Variants in MMP16 observed in about 807,000 individuals in gnomAD.
The protein encoded by MMP16 is matrix metallopeptidase 16.
A neutral mutation model predicts 67.8 loss-of-function variants in MMP16; 12 were observed. That is an observed-to-expected ratio of 0.18 (90% confidence interval 0.11 to 0.29). The LOEUF (loss-of-function observed/expected upper bound fraction) is 0.29, where lower values mean the gene tolerates loss of function less well. MMP16 is among the 10% of genes least tolerant of loss of function. MMP16 has a pLI of 1.00. For missense variants in MMP16, 475 were observed against 765.7 expected, an observed-to-expected ratio of 0.62 and a Z score of 4.48; for synonymous variants, 249 against 255.9, an observed-to-expected ratio of 0.97 and a Z score of 0.26.
intron 5 of MMP16, 70 bp from the exon 6 acceptor site, chr8:88,116,788 G>A: frequency 7.5e-7 from 1 of 1,342,162 alleles, no homozygotes; most frequent in Non-Finnish European, 1.1e-6. Flanking sequence ...ATGCTACAGA[G>A]AACAATCACT....
chr8:88,240,045 C>T (rs1050324520), intron 1 of MMP16, among the ~76,000 whole-genome samples: 2 of 152,188 alleles, frequency 1.3e-5, no homozygotes, highest in African/African-American at 4.8e-5. Flanking sequence ...TGCTGCCTTA[C>T]ATACTCAGGG....
chr8:88,186,452 G>C (rs1809074590), intron 3 of MMP16, 24 bp downstream of exon 3: 1 of 1,611,646 alleles, frequency 6.2e-7, no homozygotes, highest in Non-Finnish European at 8.5e-7. Context: ...GGGAAAAGGG[G>C]AGATTAATCG....
chr8:88,172,150 T>C lies in MMP16; in HGVS notation c.405-4177A>G, dbSNP rs551344912. Among the ~76,000 whole-genome samples the C allele has an allele frequency of 4.5e-4, 69 of 152,298 alleles. 1 individual carries two copies. Among genetic ancestry groups the C allele is most frequent in the African/African-American group, 1.6e-3 (66 of 41,578 alleles). ...GCATTTTTAATTGTGTTCTCAATGA[T>C]TTGGTAATGTTGAATTAGCAGTATA... On this transcript the variant is annotated intron_variant, in intron 3 of 9. Transcript: ENST00000286614.
intron 6 of MMP16, among the ~76,000 whole-genome samples, chr8:88,080,377 G>A (rs1808725987): frequency 6.6e-6 from 1 of 152,174 alleles, no homozygotes; most frequent in Non-Finnish European, 1.5e-5. Flanking sequence ...AAACATTTAT[G>A]TGTATAAATA....
chr8:88,318,514 A>T (rs1811407144), intron 1 of MMP16, among the ~76,000 whole-genome samples: 4 of 152,190 alleles, frequency 2.6e-5, no homozygotes, highest in African/African-American at 9.6e-5. Flanking sequence ...TTCGTAATGG[A>T]ACTGGATCAA....
At chr8:88,079,013 G>A (rs999607614) in intron 6 of MMP16, among the ~76,000 whole-genome samples, 6 of 152,128 alleles carry the variant, frequency 3.9e-5, no homozygotes, top group Non-Finnish European at 7.4e-5. Flanking sequence ...CCAATGCAAA[G>A]CCTCTGCTTT....
At chr8:88,063,475 TA>T (rs1362041595) in intron 7 of MMP16, among the ~76,000 whole-genome samples, 1 of 145,510 alleles carries the variant, frequency 6.9e-6, no homozygotes, top group Non-Finnish European at 1.5e-5. Flanking sequence ...ATGCAGTACC[TA>T]ATAACCTTTT....
At position 88,041,255 on chromosome 8, in the gene MMP16, A is replaced by G. The variant is rs1808129021; in HGVS notation, c.*206T>C. On this transcript the variant is annotated 3_prime_UTR_variant, in exon 10 of 10. Transcript: ENST00000286614. This position sits in a 1 kb window ranked among gnomAD's most constrained non-coding sequence, Gnocchi z 6.0. Reference sequence around the variant, plus strand: ...AAAGAAAGACAAAGGACTGAAGAACAGCAGATACTGTGCATCATGGAAGCT... The same window carrying G: ...AAAGAAAGACAAAGGACTGAAGAACGGCAGATACTGTGCATCATGGAAGCT... The G allele has an allele frequency of 1.8e-6, 1 of 550,908 alleles. No homozygotes were observed. The highest frequency in any genetic ancestry group is 1.9e-5 in the African/African-American group (1 of 53,262). 34.1% of individuals were successfully genotyped at this position (550,908 alleles called of 1,614,324 possible). A position where few individuals can be genotyped will look rare whatever the true frequency, so the allele number is the denominator to read the frequency against.
intron 4 of MMP16, among the ~76,000 whole-genome samples, chr8:88,164,177 G>C (rs754451390): frequency 1.2e-4 from 19 of 152,170 alleles, no homozygotes; most frequent in South Asian, 2.1e-4. Context: ...TACTTATCAA[G>C]AGGCTCTTTC....
intron 1 of MMP16, among the ~76,000 whole-genome samples, chr8:88,244,780 A>G (rs1164377191): frequency 6.6e-6 from 1 of 152,194 alleles, no homozygotes; most frequent in Non-Finnish European, 1.5e-5. Context: ...CGTGACTTTC[A>G]TAGACATGTA....
At chr8:88,073,774 C>T (rs1658467084) in intron 7 of MMP16, among the ~76,000 whole-genome samples, 1 of 151,988 alleles carries the variant, frequency 6.6e-6, no homozygotes, top group Non-Finnish European at 1.5e-5. Flanking sequence ...TTAAGATCCC[C>T]CTTTTCCTTT....
At chr8:88,137,674 T>G (rs1037284806) in intron 4 of MMP16, among the ~76,000 whole-genome samples, 4 of 152,022 alleles carry the variant, frequency 2.6e-5, no homozygotes, top group Admixed American at 6.6e-5. Context: ...ATTGCTTTCA[T>G]TCTTTTTTCT....
intron 1 of MMP16, among the ~76,000 whole-genome samples, chr8:88,282,980 A>G (rs564736747): frequency 6.6e-6 from 1 of 152,212 alleles, no homozygotes; most frequent in East Asian, 1.9e-4. Context: ...TTTTTTATAT[A>G]TGGCATGTTC....
At chr8:88,234,093 G>A (rs2129880417) in intron 1 of MMP16, among the ~76,000 whole-genome samples, 1 of 152,288 alleles carries the variant, frequency 6.6e-6, no homozygotes, top group Non-Finnish European at 1.5e-5. Context: ...TTAAGTGTAT[G>A]TGTTCAACTT....
At chr8:88,187,507 T>C (rs963352695) in intron 2 of MMP16, among the ~76,000 whole-genome samples, 3 of 152,130 alleles carry the variant, frequency 2.0e-5, no homozygotes, top group Non-Finnish European at 4.4e-5. Flanking sequence ...AGGCAGAAAA[T>C]TCATAGTACT....
intron 3 of MMP16, among the ~76,000 whole-genome samples, chr8:88,177,164 G>T (rs543665996): frequency 6.6e-6 from 1 of 152,140 alleles, no homozygotes; most frequent in African/African-American, 2.4e-5. Flanking sequence ...CCTTTGTAAA[G>T]GTTATACACT....
intron 4 of MMP16, among the ~76,000 whole-genome samples, chr8:88,137,113 A>G (rs1206420728): frequency 1.3e-5 from 2 of 151,648 alleles, no homozygotes; most frequent in African/African-American, 2.4e-5. Context: ...TGTGACTTAG[A>G]TTTTCCAGAT....
chr8:88,102,550 T>C (rs1809163177), intron 6 of MMP16, among the ~76,000 whole-genome samples: 1 of 151,708 alleles, frequency 6.6e-6, no homozygotes, highest in Non-Finnish European at 1.5e-5. Flanking sequence ...TATGTAAGCA[T>C]GATTGATTCA....
At chr8:88,115,812 A>T (rs1586159165) in intron 6 of MMP16, among the ~76,000 whole-genome samples, 1 of 152,014 alleles carries the variant, frequency 6.6e-6, no homozygotes, top group African/African-American at 2.4e-5. Context: ...TATTATATTC[A>T]CCTTCCAATA....
Sources: gnomAD v4.1 joint callset for allele counts (sites outside exome capture counted in the v4.1 genomes callset) on GRCh38, gnomAD v4.1.1 for gene constraint, Gnocchi (gnomAD v3.1) non-coding constraint, MANE v1.5 for transcripts, NCBI Gene and HGNC (gene_info 2026-07-23, HGNC 2026-07-21) for gene names.